EIPR1: variants seen among roughly 807,000 people sequenced by gnomAD.
EIPR1 encodes EARP and GARP complex-interacting protein 1.
In EIPR1, 25 loss-of-function variants were observed where a neutral mutation model predicts 48.1. The observed-to-expected ratio is 0.52, with a 90% CI of 0.38 to 0.73. EIPR1 has a LOEUF of 0.73. Among genes scored for constraint, EIPR1 ranks in the 30% least tolerant of loss-of-function variants. EIPR1 has a pLI of 0.00. For synonymous variants in EIPR1, 204 were observed against 201.9 expected (o/e 1.01, Z -0.09); for missense variants, 415 against 506.2 (o/e 0.82, Z 1.73).
chr2:3,203,063 GC>G (rs1375487415), intron 5 of EIPR1, among the ~76,000 whole-genome samples: 1 of 152,204 alleles, frequency 6.6e-6, no homozygotes, highest in African/African-American at 2.4e-5. Context: ...TCAATGCCAG[GC>G]CCTGTGCGGA....
intron 3 of EIPR1, among the ~76,000 whole-genome samples, chr2:3,308,859 G>C (rs959436003): frequency 2.0e-5 from 3 of 152,126 alleles, no homozygotes; most frequent in African/African-American, 7.2e-5. Context: ...ATTTTTCAAA[G>C]AATTGTCAAC....
chr2:3,311,723 G>A (rs1213953578), intron 3 of EIPR1, among the ~76,000 whole-genome samples: 1 of 151,944 alleles, frequency 6.6e-6, no homozygotes, highest in Non-Finnish European at 1.5e-5. Context: ...CAGTCACGAG[G>A]TGTGGGCGGC....
intron 3 of EIPR1, among the ~76,000 whole-genome samples, chr2:3,305,074 C>T (rs1476196375): frequency 2.9e-5 from 4 of 138,834 alleles, no homozygotes; most frequent in East Asian, 2.3e-4. Flanking sequence ...CACTCCCGTC[C>T]AGTTCAACCC....
chr2:3,220,749 C>T (rs1665857514), intron 4 of EIPR1, among the ~76,000 whole-genome samples: 1 of 151,402 alleles, frequency 6.6e-6, no homozygotes, highest in Non-Finnish European at 1.5e-5. Flanking sequence ...AACACACGCA[C>T]ACAATGGCCG....
chr2:3,236,610 G>A (rs1036205288), intron 4 of EIPR1, among the ~76,000 whole-genome samples: 1 of 152,220 alleles, frequency 6.6e-6, no homozygotes, highest in South Asian at 2.1e-4. Context: ...TTTCAGGACA[G>A]GATCCCAGAG....
intron 3 of EIPR1, among the ~76,000 whole-genome samples, chr2:3,304,812 ACTCCC>A: frequency 6.9e-6 from 1 of 144,928 alleles, no homozygotes; most frequent in Non-Finnish European, 1.5e-5. Context: ...TCAGCCCTCC[ACTCCC>A]GTCCAGTTCA....
chr2:3,368,019 C>T (rs55924948), intron 1 of EIPR1, among the ~76,000 whole-genome samples: 10,019 of 151,586 alleles, frequency 0.066, 343 homozygotes, highest in African/African-American at 0.074. Flanking sequence ...CACTCCAGCC[C>T]GGGTGACAGA....
intron 3 of EIPR1, among the ~76,000 whole-genome samples, chr2:3,258,466 T>G (rs1667230963): frequency 6.6e-6 from 1 of 151,472 alleles, no homozygotes; most frequent in African/African-American, 2.4e-5. Flanking sequence ...TGATAACAAG[T>G]GAAGAACATA....
intron 1 of EIPR1, among the ~76,000 whole-genome samples, chr2:3,374,295 T>C (rs551477567): frequency 0.022 from 3,290 of 152,154 alleles, 62 homozygotes; most frequent in Non-Finnish European, 0.031. Context: ...AACCTAGGCA[T>C]TACCATTCAG....
intron 5 of EIPR1, among the ~76,000 whole-genome samples, chr2:3,197,228 T>C (rs962271835): frequency 2.0e-5 from 3 of 152,048 alleles, no homozygotes; most frequent in Admixed American, 1.3e-4. Flanking sequence ...CAGCAAAAAA[T>C]AGAAAGCATA....
At chr2:3,229,107 C>A (rs1429168345) in intron 4 of EIPR1, among the ~76,000 whole-genome samples, 1 of 152,336 alleles carries the variant, frequency 6.6e-6, no homozygotes, top group South Asian at 2.1e-4. Context: ...ATAACAAAAT[C>A]TTGCAGTTGT....
chr2:3,350,466 T>C (rs1188165135), intron 2 of EIPR1, among the ~76,000 whole-genome samples: 3 of 152,256 alleles, frequency 2.0e-5, no homozygotes, highest in East Asian at 3.9e-4. Flanking sequence ...GAGATTTGGG[T>C]ATGGACACAG....
At chr2:3,336,889 GAAGGGAAGGGAAAAGGGAAGGGAAGGGAA>G (rs1670068323) in intron 3 of EIPR1, among the ~76,000 whole-genome samples, 2 of 67,116 alleles carry the variant, frequency 3.0e-5, no homozygotes, top group African/African-American at 1.1e-4. Context: ...AGGGAAAAGG[GAAGGGAAGGGAAAAGGGAAGGGAAGGGAA>G]AAGGGAAGGG....
rs182004634 is a variant in EIPR1, at chr2:3,312,308, C to T, written c.259+25709G>A. 3.4e-4 allele frequency among the ~76,000 whole-genome samples: 52 copies of T among 152,296 alleles called. No individual in the cohort carries two copies. The highest frequency in any genetic ancestry group is 1.2e-3 in the African/African-American group (50 of 41,572). On this transcript the variant is annotated intron_variant, in intron 3 of 8. Coordinates refer to ENST00000382125, the MANE Select transcript of EIPR1 (RefSeq NM_003310.5). This position sits in a 1 kb window ranked among gnomAD's most constrained non-coding sequence, Gnocchi z 5.5. ...ATCCCACTGACCACAGCTTGGTCAA[C>T]GGAGGCTAAGGTTGCACTGCTTTTT...
At position 3,287,805 on chromosome 2, in the gene EIPR1, TAGAAAGCTCATTCACCATGCTCC is replaced by T. The variant is rs770344968; in HGVS notation, c.260-30373_260-30351del. Among the ~76,000 whole-genome samples the T allele has an allele frequency of 9.5e-3, 594 of 62,458 alleles. 4 individuals are homozygous for T. The highest frequency in any genetic ancestry group is 0.034 in the East Asian group (81 of 2,384). 41.0% of individuals were successfully genotyped at this position (62,458 alleles called of 152,430 possible). A position where few individuals can be genotyped will look rare whatever the true frequency, so the allele number is the denominator to read the frequency against. ...TCCAGAAAGCTCATTCACCATGCTC[TAGAAAGCTCATTCACCATGCTCC>T]AGAAAGCTCATTCACCATGCTCCAG... On this transcript the variant is annotated intron_variant, in intron 3 of 8. Coordinates refer to ENST00000382125, the MANE Select transcript of EIPR1 (RefSeq NM_003310.5).
At chr2:3,263,748 T>C (rs959043329) in intron 3 of EIPR1, among the ~76,000 whole-genome samples, 4 of 152,164 alleles carry the variant, frequency 2.6e-5, no homozygotes, top group African/African-American at 4.8e-5. Context: ...CCAGCTCCTC[T>C]GTCAGTTTCC....
intron 3 of EIPR1, among the ~76,000 whole-genome samples, chr2:3,268,190 TC>T (rs937953094): frequency 7.2e-5 from 11 of 152,038 alleles, no homozygotes; most frequent in Non-Finnish European, 1.5e-4. Flanking sequence ...CCCCAAGGCT[TC>T]CTGCCCACAC....
chr2:3,243,216 G>A (rs929943262), intron 4 of EIPR1, among the ~76,000 whole-genome samples: 1 of 152,174 alleles, frequency 6.6e-6, no homozygotes, highest in Admixed American at 6.5e-5. Context: ...TGAGGGGAAT[G>A]GCTTTTTTCT....
intron 3 of EIPR1, among the ~76,000 whole-genome samples, chr2:3,310,566 T>C (rs995667370): frequency 1.5e-5 from 2 of 137,640 alleles, no homozygotes; most frequent in Non-Finnish European, 3.0e-5. Flanking sequence ...GGCAGGAGAA[T>C]GGCGTGAACC....
Sources: allele counts gnomAD v4.1 joint callset (sites outside exome capture counted in the v4.1 genomes callset), GRCh38; gene constraint gnomAD v4.1.1; non-coding constraint Gnocchi (gnomAD v3.1); transcripts MANE v1.5; gene names NCBI Gene and HGNC (gene_info 2026-07-23, HGNC 2026-07-21).